IRX6: variants seen among roughly 807,000 people sequenced by gnomAD.
IRX6 encodes the protein iroquois homeobox 6, also known as iroquois-class homeodomain protein IRX-6.
IRX6 carries 46 observed loss-of-function variants against 47.7 expected under a neutral mutation model. The observed-to-expected ratio is 0.96, with a 90% CI of 0.76 to 1.23. The LOEUF (loss-of-function observed/expected upper bound fraction) is 1.23, where lower values mean the gene tolerates loss of function less well. IRX6 is among the 50% of genes most tolerant of loss of function. IRX6 has a pLI of 0.00. For synonymous variants in IRX6, 265 were observed against 246.2 expected (o/e 1.08, Z -0.72); for missense variants, 722 against 588.0 (o/e 1.23, Z -2.36).
chr16:55,327,754 CA>C lies in IRX6; in HGVS notation c.583del (p.Thr195ProfsTer16). On this transcript the variant is annotated frameshift_variant, in exon 4 of 6. Coordinates refer to ENST00000290552, the MANE Select transcript of IRX6 (RefSeq NM_024335.3). LOFTEE classifies it high-confidence loss of function. ...ITKMTLTQVS[T>X]WFANARRRLK... Reference sequence around the variant, plus strand: ...CCAAGATGACCCTCACCCAGGTGTCCACCTGGTTCGCCAACGCACGCCGGCG... The same window carrying C: ...CCAAGATGACCCTCACCCAGGTGTCCCCTGGTTCGCCAACGCACGCCGGCG... 1 of 1,612,426 alleles carries C rather than the reference CA, an allele frequency of 6.2e-7. No individual in the cohort carries two copies. The highest frequency in any genetic ancestry group is 8.5e-7 in the Non-Finnish European group (1 of 1,179,928).
At chr16:55,326,959 C>CGGGG (rs1555484071) in intron 2 of IRX6, 22 of 31,554 alleles carry the variant, frequency 7.0e-4, no homozygotes, top group East Asian at 2.2e-3. Flanking sequence ...GGGCAGGGGG[C>CGGGG]GGGGGGTGGG....
chr16:55,326,734 T>C (rs1370027819), intron 2 of IRX6, 141 bp downstream of exon 2: 1 of 811,472 alleles, frequency 1.2e-6, no homozygotes. Context: ...TACAGTACCT[T>C]ACAGTTTGCA....
At chr16:55,328,431 G>A (rs1003062217) in intron 4 of IRX6, among the ~76,000 whole-genome samples, 6 of 152,184 alleles carry the variant, frequency 3.9e-5, no homozygotes, top group African/African-American at 1.4e-4. Flanking sequence ...CTCAGGCAGC[G>A]CCAAGTGGCA....
At position 55,324,510 on chromosome 16, in the gene IRX6, G is replaced by T. The variant is rs1241229407; in HGVS notation, c.-582G>T. On this transcript the variant is annotated 5_prime_UTR_variant, in exon 1 of 6. Coordinates refer to ENST00000290552, the MANE Select transcript of IRX6 (RefSeq NM_024335.3). This position sits in a 1 kb window ranked among gnomAD's most constrained non-coding sequence, Gnocchi z 4.4. The stretch of plus-strand genomic sequence containing the variant: ...GGAGAGGTTGTGTGTGTGTGCGCGC[G>T]CGCGTGAGCTCCAGGCGAAAAGGGG... 6 of 152,570 alleles carry T rather than the reference G, an allele frequency of 3.9e-5. No homozygotes were observed. The highest frequency in any genetic ancestry group is 1.2e-4 in the African/African-American group (5 of 41,502). 9.5% of individuals were successfully genotyped at this position (152,570 alleles called of 1,614,324 possible).
At position 55,326,454 on chromosome 16, in the gene IRX6, G is replaced by C. The variant is rs768553632; in HGVS notation, c.164G>C (p.Arg55Pro). The C allele has an allele frequency of 6.8e-6, 11 of 1,613,762 alleles. No individual in the cohort carries two copies. In the South Asian group the frequency reaches 1.2e-4, roughly 18 times the overall value. Residue 55 changes from arginine to proline, a missense_variant, in exon 2 of 6, where the codon CGA becomes CCA. By Grantham distance (103) the Arg-to-Pro change is moderately radical. Transcript: ENST00000290552. ...PALCCAPYDS[R>P]LLGSARPELG... Reference sequence around the variant, plus strand: ...CTCTGCTGCGCACCCTACGATAGTCGACTGCTGGGCAGTGCGCGACCGGAG... The same window carrying C: ...CTCTGCTGCGCACCCTACGATAGTCCACTGCTGGGCAGTGCGCGACCGGAG...
chr16:55,329,084 C>A lies in IRX6; in HGVS notation c.1106C>A (p.Ala369Asp). The A allele has an allele frequency of 6.2e-7, 1 of 1,614,130 alleles. No individual in the cohort carries two copies. Among genetic ancestry groups the A allele is most frequent in the Non-Finnish European group, 8.5e-7 (1 of 1,180,042 alleles). The change falls in exon 5 of 6, where the codon GCC becomes GAC. Residue 369 changes from alanine (A) to aspartate (D), a missense_variant. Physicochemically the swap from Ala to Asp is moderately radical, Grantham distance 126 (BLOSUM62 -2). Coordinates refer to ENST00000290552, the MANE Select transcript of IRX6 (RefSeq NM_024335.3). ...AGCGCTGTTGAAGGTGCACCCCCAG[C>A]CCGGCCTAGGCCACGAAGTCCTGAG... The part of the protein sequence containing the change: ...TASAVEGAPP[A>D]RPRPRSPECR...
intron 5 of IRX6, among the ~76,000 whole-genome samples, 165 bp downstream of exon 5, chr16:55,329,476 G>C (rs1960605803): frequency 6.6e-6 from 1 of 152,218 alleles, no homozygotes. Context: ...GTAGAGATAG[G>C]TTCTAGTACT....
Position 55,327,881 on chromosome 16 carries a change from G to A in IRX6, c.709G>A (p.Ala237Thr). 1.2e-6 allele frequency: 2 copies of A among 1,603,478 alleles called. No homozygotes were observed. Among genetic ancestry groups the A allele is most frequent in the Non-Finnish European group, 1.7e-6 (2 of 1,174,780 alleles). ...GEEDSLGCLT[A>T]DTKEVTASQE... ...GGAGGACTCACTAGGCTGCCTAACTGCTGACACCAAAGGTACTGAAAACGT... is the reference window on the plus strand; with the variant it reads ...GGAGGACTCACTAGGCTGCCTAACTACTGACACCAAAGGTACTGAAAACGT... The change falls in exon 4 of 6, where the codon GCT becomes ACT. Residue 237 changes from alanine (A) to threonine (T), a missense_variant. By Grantham distance (58) the Ala-to-Thr change is moderately conservative (BLOSUM62 0). Coordinates refer to ENST00000290552, the MANE Select transcript of IRX6 (RefSeq NM_024335.3).
rs149466488 is a variant in IRX6, at chr16:55,327,811, G to T, written c.639G>T (p.Ala213=). The T allele has an allele frequency of 8.1e-5, 131 of 1,613,022 alleles. No individual in the cohort carries two copies. The African/African-American group carries it at 1.6e-3, about 20-fold the overall frequency. Residue 213 remains alanine (A), a synonymous_variant, in exon 4 of 6, where the codon GCG becomes GCT. Transcript: ENST00000290552. ...AGAAAGAGAACAAAATGACATGGGCGCCCAAGAACAAAGGTGGGGAGGAGA... is the reference window on the plus strand; with the variant it reads ...AGAAAGAGAACAAAATGACATGGGCTCCCAAGAACAAAGGTGGGGAGGAGA... ...RLKKENKMTW[A]PKNKGGEERK...
chr16:55,327,444 CT>C (rs1408085968), intron 3 of IRX6, 39 bp downstream of exon 3: 8 of 1,579,642 alleles, frequency 5.1e-6, no homozygotes, highest in Non-Finnish European at 7.0e-6. Flanking sequence ...CACTGTGAGT[CT>C]TTCCTCCCCC....
In IRX6 at chr16:55,328,683, C is replaced by T; in HGVS notation, c.722-17C>T. ...TGGGCCCTGGGGCTTTTCTCACTCGCTCTTGATTTCCTGCAGAAGTTACTG... is the reference window on the plus strand; with the variant it reads ...TGGGCCCTGGGGCTTTTCTCACTCGTTCTTGATTTCCTGCAGAAGTTACTG... On this transcript the variant is annotated splice_polypyrimidine_tract_variant and intron_variant, in intron 4 of 5. Transcript: ENST00000290552. 1 of 1,610,878 alleles carries T rather than the reference C, an allele frequency of 6.2e-7. No homozygotes were observed. Among genetic ancestry groups the T allele is most frequent in the Non-Finnish European group, 8.5e-7 (1 of 1,178,736 alleles).
Position 55,326,388 on chromosome 16 carries a change from C to T in IRX6, c.98C>T (p.Ser33Phe), listed in dbSNP as rs267604577. 6.2e-7 allele frequency: 1 copy of T among 1,613,956 alleles called. No individual in the cohort carries two copies. The highest frequency in any genetic ancestry group is 1.3e-5 in the African/African-American group (1 of 74,920). The change falls in exon 2 of 6, where the codon TCT (serine) becomes TTT (phenylalanine). Residue 33 changes from serine (S) to phenylalanine (F), a missense_variant. Coordinates refer to ENST00000290552, the MANE Select transcript of IRX6 (RefSeq NM_024335.3). ...STTCCESTQR[S>F]VSDVASGSTP... is the part of the protein sequence containing the mutation. ...ACATGCTGCGAATCTACCCAACGCT[C>T]TGTCTCAGATGTGGCATCAGGCTCC...
intron 5 of IRX6, 79 bp downstream of exon 5, chr16:55,329,390 T>C: frequency 6.7e-7 from 1 of 1,502,446 alleles, no homozygotes; most frequent in Non-Finnish European, 8.9e-7. Flanking sequence ...TTGCACACCC[T>C]CTGCCATTCC....
At chr16:55,325,558 A>AAT (rs1960504480) in intron 1 of IRX6, among the ~76,000 whole-genome samples, 1 of 98,542 alleles carries the variant, frequency 1.0e-5, no homozygotes, top group South Asian at 4.6e-4. Flanking sequence ...AGAGAGAGAG[A>AAT]GAGAAAGAAA....
chr16:55,325,197 G>A lies in IRX6; in HGVS notation c.45+61G>A, dbSNP rs371302674. The stretch of plus-strand genomic sequence containing the variant: ...TGGGTGGAGGGAGTGCCTAGTGCAC[G>A]GCGCCTGCCTCTGATCATCCTCCTC... On this transcript the variant is annotated intron_variant, in intron 1 of 5. Coordinates refer to ENST00000290552, the MANE Select transcript of IRX6 (RefSeq NM_024335.3). The A allele has an allele frequency of 3.5e-5, 54 of 1,530,872 alleles. 1 individual carries two copies. The highest frequency in any genetic ancestry group is 1.8e-4 in the East Asian group (8 of 44,276). The allele number at this position is 1,530,872 out of a possible 1,614,324, so 94.8% of individuals were successfully genotyped here.
In IRX6 at chr16:55,328,681, C is replaced by T. The variant is rs369498775; in HGVS notation, c.722-19C>T. Reference sequence around the variant, plus strand: ...CTTGGGCCCTGGGGCTTTTCTCACTCGCTCTTGATTTCCTGCAGAAGTTAC... The same window carrying T: ...CTTGGGCCCTGGGGCTTTTCTCACTTGCTCTTGATTTCCTGCAGAAGTTAC... On this transcript the variant is annotated intron_variant, in intron 4 of 5. Transcript: ENST00000290552. The T allele has an allele frequency of 2.5e-6, 4 of 1,609,524 alleles. No homozygotes were observed. The highest frequency in any genetic ancestry group is 3.4e-6 in the Non-Finnish European group (4 of 1,178,070).
Position 55,327,417 on chromosome 16 carries a change from A to G in IRX6, c.413+12A>G. 6.2e-7 allele frequency: 1 copy of G among 1,602,388 alleles called. No homozygotes were observed. Among genetic ancestry groups the G allele is most frequent in the Non-Finnish European group, 8.6e-7 (1 of 1,169,498 alleles). ...TACCAATATGAACGGTAAGGAGTGA[A>G]GGGCCTTGGTGACTGGCACTGTGAG... On this transcript the variant is annotated intron_variant, in intron 3 of 5. Transcript: ENST00000290552.
chr16:55,326,016 G>T, intron 1 of IRX6: 1 of 331,726 alleles, frequency 3.0e-6, no homozygotes, highest in South Asian at 4.1e-5. Flanking sequence ...GGAGGGTAGG[G>T]AAGGGAGCAG....
At position 55,327,377 on chromosome 16, in the gene IRX6, C is replaced by G; in HGVS notation, c.385C>G (p.Arg129Gly). 2 of 1,613,660 alleles carry G rather than the reference C, an allele frequency of 1.2e-6. No individual in the cohort carries two copies. Among genetic ancestry groups the G allele is most frequent in the African/African-American group, 2.7e-5 (2 of 75,002 alleles). The change falls in exon 3 of 6, where the codon CGG becomes GGG. Residue 129 changes from arginine to glycine, a missense_variant. Transcript: ENST00000290552. ...AQPGAYYPYERTLGQYQYERY... is the reference protein window; with the variant it reads ...AQPGAYYPYEGTLGQYQYERY... The stretch of plus-strand genomic sequence containing the variant: ...ACCAGGAGCCTATTATCCCTATGAG[C>G]GGACTCTGGGGCAGTACCAATATGA...
Sources: allele counts gnomAD v4.1 joint callset (sites outside exome capture counted in the v4.1 genomes callset), GRCh38; gene constraint gnomAD v4.1.1; non-coding constraint Gnocchi (gnomAD v3.1); transcripts MANE v1.5; gene names NCBI Gene and HGNC (gene_info 2026-07-23, HGNC 2026-07-21).